Variants in ABCA9 observed in about 807,000 individuals in gnomAD.
ABCA9 encodes the protein ATP binding cassette subfamily A member 9.
A neutral mutation model predicts 205.3 loss-of-function variants in ABCA9; 183 were observed. The observed-to-expected ratio is 0.89, with a 90% CI of 0.79 to 1.01. The LOEUF (loss-of-function observed/expected upper bound fraction) is 1.01, where lower values mean the gene tolerates loss of function less well. Ranked by LOEUF, ABCA9 falls within the 50% of genes least tolerant of loss-of-function variation. The probability of loss-of-function intolerance (pLI) is 0.00; values close to 1 mark genes in which losing one functional copy is unlikely to be tolerated. For synonymous variants in ABCA9, 651 were observed against 683.3 expected (o/e 0.95, Z 0.74); for missense variants, 1,805 against 1,912.4 (o/e 0.94, Z 1.05).
At chr17:69,066,151 C>T in the ABCA9 span, among the ~76,000 whole-genome samples, 3 of 152,182 alleles carry the variant, frequency 2.0e-5, no homozygotes, top group Admixed American at 6.5e-5. Flanking sequence ...CTTCCAGGTG[C>T]CCCCACAGCA....
intron 29 of ABCA9, 40 bp downstream of exon 29, chr17:68,990,797 G>GAA: frequency 6.4e-7 from 1 of 1,559,418 alleles, no homozygotes. Context: ...TTATCTGTCA[G>GAA]AAAAAAAAAT....
At chr17:68,980,648 G>A (rs2069021265) in intron 37 of ABCA9, among the ~76,000 whole-genome samples, 3 of 151,376 alleles carry the variant, frequency 2.0e-5, no homozygotes, top group African/African-American at 7.3e-5. Context: ...CATGGATGAA[G>A]CTGGAAACCA....
At chr17:68,995,464 A>G (rs765306642) in intron 26 of ABCA9, among the ~76,000 whole-genome samples, 2 of 152,134 alleles carry the variant, frequency 1.3e-5, no homozygotes, top group Non-Finnish European at 2.9e-5. Flanking sequence ...ATGGCTTTTC[A>G]TACCATTTAT....
intron 6 of ABCA9, among the ~76,000 whole-genome samples, chr17:69,037,689 A>T (rs1326444647): frequency 2.0e-5 from 3 of 152,166 alleles, no homozygotes; most frequent in Non-Finnish European, 4.4e-5. Flanking sequence ...TTCAAAAGCT[A>T]TCAGGAGACA....
rs1196125684 is a variant in ABCA9, at chr17:68,975,852, G to C, written c.*63C>G. On this transcript the variant is annotated 3_prime_UTR_variant, in exon 39 of 39. Coordinates refer to ENST00000340001, the MANE Select transcript of ABCA9 (RefSeq NM_080283.4). ...CACCTCTGATATAAGGCATATTAAG[G>C]CTATAAAATATTATCTTTAAAAGAG... is the stretch of plus-strand genomic sequence containing the variant. 1 of 1,255,160 alleles carries C rather than the reference G, an allele frequency of 8.0e-7. No homozygotes were observed. Among genetic ancestry groups the C allele is most frequent in the African/African-American group, 1.5e-5 (1 of 66,522 alleles). The allele number at this position is 1,255,160 out of a possible 1,614,324, so 77.8% of individuals were successfully genotyped here.
At chr17:69,069,376 C>T in the ABCA9 span, among the ~76,000 whole-genome samples, 2 of 152,072 alleles carry the variant, frequency 1.3e-5, no homozygotes, top group Non-Finnish European at 2.9e-5. Context: ...TGGGGTCAGT[C>T]CCCTTAAGGG....
At chr17:68,990,350 T>C (rs1327775588) in intron 29 of ABCA9, among the ~76,000 whole-genome samples, 1 of 152,148 alleles carries the variant, frequency 6.6e-6, no homozygotes, top group Non-Finnish European at 1.5e-5. Context: ...GAAAAATAAA[T>C]CAATACAAGT....
intron 23 of ABCA9, among the ~76,000 whole-genome samples, chr17:69,010,815 C>T (rs747494489): frequency 5.9e-5 from 9 of 152,036 alleles, no homozygotes; most frequent in African/African-American, 9.7e-5. Context: ...AAAGAGACAA[C>T]GATAATGCGA....
chr17:69,037,944 A>G (rs1567964188), intron 6 of ABCA9, among the ~76,000 whole-genome samples: 1 of 152,220 alleles, frequency 6.6e-6, no homozygotes, highest in East Asian at 1.9e-4. Flanking sequence ...AAACACCTCT[A>G]CGCAAATAAA....
intron 25 of ABCA9, among the ~76,000 whole-genome samples, chr17:69,001,049 A>G (rs2069846827): frequency 6.6e-6 from 1 of 152,110 alleles, no homozygotes; most frequent in African/African-American, 2.4e-5. Flanking sequence ...TAGATATACA[A>G]TCATGTCATC....
At chr17:69,078,124 G>C in the ABCA9 span, among the ~76,000 whole-genome samples, 34 of 151,730 alleles carry the variant, frequency 2.2e-4, no homozygotes, top group African/African-American at 8.0e-4. Context: ...AGGTATAATG[G>C]AACTACTTTT....
chr17:69,022,579 G>A (rs1032064655), intron 17 of ABCA9: 5 of 152,232 alleles, frequency 3.3e-5, no homozygotes, highest in African/African-American at 1.2e-4. Flanking sequence ...TGTTGGCCAA[G>A]CTTGTCTTGA....
rs2068875233 is a variant in ABCA9, at chr17:68,975,737, A to ACGCCC, written c.*177_*178insGGGCG. 1.7e-6 allele frequency: 1 copy of ACGCCC among 590,836 alleles called. No individual in the cohort carries two copies. The highest frequency in any genetic ancestry group is 3.0e-6 in the Non-Finnish European group (1 of 333,962). The allele number at this position is 590,836 out of a possible 1,614,324, so 36.6% of individuals were successfully genotyped here. A position where few individuals can be genotyped will look rare whatever the true frequency, so the allele number is the denominator to read the frequency against. The stretch of plus-strand genomic sequence containing the variant: ...ATGGTATGGCTTAGGCTTATGCCCT[A>ACGCCC]TGATCGCCCTCACTGACATCGCCTG... On this transcript the variant is annotated 3_prime_UTR_variant, in exon 39 of 39. Transcript: ENST00000340001.
intron 17 of ABCA9, 142 bp downstream of exon 17, chr17:69,024,072 C>G: frequency 1.1e-6 from 1 of 873,708 alleles, no homozygotes. Flanking sequence ...TTATAAGTGA[C>G]CTTGGAGTTG....
chr17:69,015,602 T>C (rs943784415), intron 22 of ABCA9, among the ~76,000 whole-genome samples: 5 of 152,204 alleles, frequency 3.3e-5, no homozygotes, highest in African/African-American at 9.6e-5. Flanking sequence ...ATAGCAATAA[T>C]AATGAGAAAT....
intron 25 of ABCA9, among the ~76,000 whole-genome samples, chr17:69,003,657 G>A (rs1277186983): frequency 1.3e-5 from 2 of 149,468 alleles, no homozygotes; most frequent in Non-Finnish European, 3.0e-5. Context: ...GAATCTGAAC[G>A]TTGGCCTGCC....
At chr17:69,003,987 C>T (rs1206043885) in intron 25 of ABCA9, among the ~76,000 whole-genome samples, 1 of 152,164 alleles carries the variant, frequency 6.6e-6, no homozygotes, top group African/African-American at 2.4e-5. Flanking sequence ...TTAAGCACTT[C>T]TCTGTATTCG....
chr17:69,013,283 A>G (rs529839202), intron 22 of ABCA9, among the ~76,000 whole-genome samples: 115 of 152,282 alleles, frequency 7.6e-4, no homozygotes, highest in African/African-American at 2.6e-3. Flanking sequence ...TTGATCTATC[A>G]TCAGTTACCT....
At chr17:69,028,716 A>G in intron 11 of ABCA9, 71 bp from the exon 12 acceptor site, 1 of 881,490 alleles carries the variant, frequency 1.1e-6, no homozygotes, top group South Asian at 2.5e-5. Context: ...AACTGTTGTA[A>G]TTTTTTGCAG....
Sources: gnomAD v4.1 joint callset for allele counts (sites outside exome capture counted in the v4.1 genomes callset) on GRCh38, gnomAD v4.1.1 for gene constraint, MANE v1.5 for transcripts, NCBI Gene and HGNC (gene_info 2026-07-23, HGNC 2026-07-21) for gene names.